The following IL33 variants were observed in gnomAD, a reference collection of about 807,000 sequenced individuals.
IL33 encodes interleukin 33.
A neutral mutation model predicts 27.3 loss-of-function variants in IL33; 37 were observed. That is an observed-to-expected ratio of 1.36 (90% CI 1.04 to 1.78). The LOEUF is 1.78. Among genes scored for constraint, IL33 ranks in the 40% most tolerant of loss-of-function variants. The probability of loss-of-function intolerance (pLI) is 0.00; values close to 1 mark genes in which losing one functional copy is unlikely to be tolerated. For missense variants in IL33, 406 were observed against 311.4 expected, an observed-to-expected ratio of 1.30 and a Z score of -2.29; for synonymous variants, 132 against 102.9, an observed-to-expected ratio of 1.28 and a Z score of -1.71.
rs946369263 is a variant in IL33, at chr9:6,257,362, G to A, written c.*1194G>A. On this transcript the variant is annotated 3_prime_UTR_variant, in exon 8 of 8. Coordinates refer to ENST00000682010, the MANE Select transcript of IL33 (RefSeq NM_033439.4). The stretch of plus-strand genomic sequence containing the variant: ...CTACCATGCCCTTGATATATCTTTT[G>A]CACCTGCTGAACTTCATTTCTGTAT... 3 of 152,316 alleles carry A rather than the reference G, an allele frequency of 2.0e-5. No homozygotes were observed. The highest frequency in any genetic ancestry group is 6.6e-5 in the Admixed American group (1 of 15,248). 9.4% of individuals were successfully genotyped at this position (152,316 alleles called of 1,614,324 possible).
rs1379934359 is a variant in IL33, at chr9:6,236,014, C to CA, written c.-11-5670_-11-5669insA. Reference sequence around the variant, plus strand: ...CAACATACACCCACACCCACCCACACCCATACACACACACACACACACACA... The same window carrying CA: ...CAACATACACCCACACCCACCCACACACCATACACACACACACACACACACA... On this transcript the variant is annotated intron_variant, in intron 1 of 7. Coordinates refer to ENST00000682010, the MANE Select transcript of IL33 (RefSeq NM_033439.4). Among the ~76,000 whole-genome samples the CA allele has an allele frequency of 1.2e-4, 13 of 112,392 alleles. 1 individual carries two copies. In the Admixed American group the frequency reaches 1.3e-3, roughly 11 times the overall value. 73.7% of individuals were successfully genotyped at this position (112,392 alleles called of 152,430 possible).
At chr9:6,218,913 TA>T (rs1772167669) in intron 1 of IL33, among the ~76,000 whole-genome samples, 2 of 103,510 alleles carry the variant, frequency 1.9e-5, no homozygotes, top group Non-Finnish European at 4.2e-5. Flanking sequence ...TATATATATA[TA>T]TATATATATA....
chr9:6,248,336 G>C (rs1484579835), intron 2 of IL33, among the ~76,000 whole-genome samples: 1 of 146,814 alleles, frequency 6.8e-6, no homozygotes, highest in Non-Finnish European at 1.5e-5. Flanking sequence ...CCTCCGGAGA[G>C]GTCGGATCTT....
At chr9:6,220,402 T>C (rs1818358033) in intron 1 of IL33, among the ~76,000 whole-genome samples, 1 of 152,242 alleles carries the variant, frequency 6.6e-6, no homozygotes, top group Non-Finnish European at 1.5e-5. Flanking sequence ...TTAACAGAAC[T>C]TCATAGTTTT....
At chr9:6,226,861 G>A (rs1362428178) in intron 1 of IL33, among the ~76,000 whole-genome samples, 1 of 152,222 alleles carries the variant, frequency 6.6e-6, no homozygotes, top group Non-Finnish European at 1.5e-5. Context: ...AATTTTGACT[G>A]CAGACTACTC....
intron 1 of IL33, among the ~76,000 whole-genome samples, chr9:6,219,006 C>T (rs1187788760): frequency 7.0e-6 from 1 of 143,228 alleles, no homozygotes; most frequent in Non-Finnish European, 1.5e-5. Context: ...CTGGAGATGT[C>T]AGTCAGACTG....
chr9:6,254,418 G>GT, intron 6 of IL33, 44 bp from the exon 7 acceptor site: 1 of 1,263,902 alleles, frequency 7.9e-7, no homozygotes, highest in Non-Finnish European at 1.1e-6. Context: ...ATAAAGATGA[G>GT]TTACAGTTCT....
chr9:6,255,622 G>C (rs1816680580), intron 7 of IL33, among the ~76,000 whole-genome samples: 1 of 151,908 alleles, frequency 6.6e-6, no homozygotes, highest in South Asian at 2.1e-4. Context: ...AAACTGGTTA[G>C]ACTAAAAAAA....
intron 1 of IL33, among the ~76,000 whole-genome samples, chr9:6,216,270 A>G (rs916379793): frequency 4.6e-5 from 7 of 152,182 alleles, no homozygotes; most frequent in African/African-American, 1.7e-4. Context: ...AGCTGGAACT[A>G]CAGGCACACG....
At chr9:6,218,472 C>T (rs1587600115) in intron 1 of IL33, among the ~76,000 whole-genome samples, 1 of 151,772 alleles carries the variant, frequency 6.6e-6, no homozygotes, top group East Asian at 1.9e-4. Flanking sequence ...GGAAATAGAG[C>T]TTACAACTAA....
At chr9:6,234,268 G>C (rs888761968) in intron 1 of IL33, among the ~76,000 whole-genome samples, 1 of 152,196 alleles carries the variant, frequency 6.6e-6, no homozygotes, top group African/African-American at 2.4e-5. Context: ...TGGCCACCTA[G>C]TTCCAACTCC....
rs532857419 is a variant in IL33, at chr9:6,246,391, G to A, written c.92-4083G>A. 2.6e-5 allele frequency among the ~76,000 whole-genome samples: 4 copies of A among 151,900 alleles called. No homozygotes were observed. The East Asian group carries it at 7.8e-4, about 30-fold the overall frequency. The stretch of plus-strand genomic sequence containing the variant: ...ATCTTTGCCAACATGGTGAAACCCC[G>A]TCTCTACTAAAAATACAAAAATTAG... On this transcript the variant is annotated intron_variant, in intron 2 of 7. Transcript: ENST00000682010.
intron 1 of IL33, among the ~76,000 whole-genome samples, chr9:6,223,913 A>T (rs1469090880): frequency 6.6e-6 from 1 of 152,030 alleles, no homozygotes; most frequent in East Asian, 1.9e-4. Context: ...AGCATCTATG[A>T]TCTCTCTTCA....
intron 4 of IL33, 138 bp from the exon 5 acceptor site, chr9:6,252,728 T>C: frequency 1.0e-6 from 1 of 966,574 alleles, no homozygotes; most frequent in Non-Finnish European, 1.6e-6. Flanking sequence ...ATGTAAAACT[T>C]GTATCAAAGG....
At chr9:6,251,410 T>A in intron 4 of IL33, 145 bp downstream of exon 4, 1 of 1,157,712 alleles carries the variant, frequency 8.6e-7, no homozygotes, top group Non-Finnish European at 1.2e-6. Flanking sequence ...GATGTACCCA[T>A]CTAATAGTAT....
At position 6,256,883 on chromosome 9, in the gene IL33, T is replaced by C. The variant is rs952802519; in HGVS notation, c.*715T>C. ...GTTTAATTTTTAAAATTCTGATTTT[T>C]ATATATTGAGTTTAAGCAAGGCATT... On this transcript the variant is annotated 3_prime_UTR_variant, in exon 8 of 8. Transcript: ENST00000682010. 4 of 152,228 alleles carry C rather than the reference T, an allele frequency of 2.6e-5. No individual in the cohort carries two copies. The highest frequency in any genetic ancestry group is 9.6e-5 in the African/African-American group (4 of 41,466). The allele number at this position is 152,228 out of a possible 1,614,324, so 9.4% of individuals were successfully genotyped here.
chr9:6,244,547 G>A (rs1819711006), intron 2 of IL33, among the ~76,000 whole-genome samples: 1 of 152,156 alleles, frequency 6.6e-6, no homozygotes, highest in South Asian at 2.1e-4. Flanking sequence ...TGAAAATAAT[G>A]TGAATGTCTG....
intron 4 of IL33, among the ~76,000 whole-genome samples, chr9:6,251,719 C>T (rs1238676407): frequency 6.6e-6 from 1 of 151,580 alleles, no homozygotes; most frequent in Non-Finnish European, 1.5e-5. Context: ...TTGATGATGA[C>T]TTCAAGAAGT....
At chr9:6,250,927 G>T (rs1336450752) in intron 3 of IL33, among the ~76,000 whole-genome samples, 1 of 151,978 alleles carries the variant, frequency 6.6e-6, no homozygotes, top group Non-Finnish European at 1.5e-5. Flanking sequence ...TGAGACTGTG[G>T]GTGACTAGTT....
Sources: allele counts gnomAD v4.1 joint callset (sites outside exome capture counted in the v4.1 genomes callset), GRCh38; gene constraint gnomAD v4.1.1; transcripts MANE v1.5; gene names NCBI Gene and HGNC (gene_info 2026-07-23, HGNC 2026-07-21).